Variants in CSMD1 observed in about 807,000 individuals in gnomAD.
CSMD1 encodes the protein CUB and sushi domain-containing protein 1.
CSMD1 carries 213 observed loss-of-function variants against 417.5 expected under a neutral mutation model. The ratio of observed to expected loss-of-function variants is 0.51; its 90% confidence interval spans 0.46 to 0.57. CSMD1 has a LOEUF of 0.57. Ranked by LOEUF, CSMD1 falls within the 20% of genes least tolerant of loss-of-function variation. CSMD1 has a pLI of 0.00. For synonymous variants in CSMD1, 2,862 were observed against 1,736.8 expected (o/e 1.65, Z -16.11); for missense variants, 6,923 against 4,529.7 (o/e 1.53, Z -15.17).
At chr8:3,480,550 T>C (rs573657077) in intron 11 of CSMD1, among the ~76,000 whole-genome samples, 1 of 152,236 alleles carries the variant, frequency 6.6e-6, no homozygotes, top group African/African-American at 2.4e-5. Flanking sequence ...ACTTACCAAA[T>C]TTGGCAAAAC....
intron 18 of CSMD1, among the ~76,000 whole-genome samples, chr8:3,386,941 A>C (rs1273171948): frequency 6.6e-6 from 1 of 152,132 alleles, no homozygotes; most frequent in Non-Finnish European, 1.5e-5. Context: ...AATAATCAGG[A>C]ATGTTATTTG....
intron 2 of CSMD1, among the ~76,000 whole-genome samples, chr8:4,579,550 G>C (rs1441176864): frequency 6.6e-6 from 1 of 151,982 alleles, no homozygotes; most frequent in Non-Finnish European, 1.5e-5. Context: ...TTTTAGTAGA[G>C]ATGGGGTCTC....
chr8:3,694,440 G>C (rs1800436324), intron 7 of CSMD1, among the ~76,000 whole-genome samples: 1 of 152,158 alleles, frequency 6.6e-6, no homozygotes, highest in Non-Finnish European at 1.5e-5. Flanking sequence ...CAGGCAGACA[G>C]CTGCATACAT....
chr8:4,057,250 T>C (rs986289101), intron 3 of CSMD1, among the ~76,000 whole-genome samples: 7 of 152,190 alleles, frequency 4.6e-5, no homozygotes, highest in Non-Finnish European at 7.3e-5. Flanking sequence ...TGGTATCTCA[T>C]TGTGGTTTTG....
chr8:3,644,501 A>G (rs1585010085), intron 7 of CSMD1, among the ~76,000 whole-genome samples: 1 of 152,218 alleles, frequency 6.6e-6, no homozygotes, highest in African/African-American at 2.4e-5. Context: ...TGCTCTGATT[A>G]GCAAAAAGAA....
chr8:3,786,276 A>G (rs1458721924), intron 5 of CSMD1, among the ~76,000 whole-genome samples: 1 of 152,094 alleles, frequency 6.6e-6, no homozygotes, highest in Admixed American at 6.5e-5. Flanking sequence ...ATACATGGGC[A>G]TGGAGGTTAG....
At chr8:3,639,585 T>C (rs4532614) in intron 7 of CSMD1, among the ~76,000 whole-genome samples, 72,476 of 151,958 alleles carry the variant, frequency 0.48, 17,438 homozygotes, top group Middle Eastern at 0.64. Flanking sequence ...AGAAGATATA[T>C]TACCTAGTTT....
chr8:4,528,305 C>G (rs910127758), intron 2 of CSMD1, among the ~76,000 whole-genome samples: 1 of 152,090 alleles, frequency 6.6e-6, no homozygotes, highest in Non-Finnish European at 1.5e-5. Flanking sequence ...CCATGAACAG[C>G]AACAACAAAA....
intron 2 of CSMD1, among the ~76,000 whole-genome samples, chr8:4,583,554 A>C (rs1799552141): frequency 6.6e-6 from 1 of 152,060 alleles, no homozygotes; most frequent in Admixed American, 6.5e-5. Context: ...TAAACACACC[A>C]ATCAGCACCC....
At chr8:4,276,448 G>T (rs1252749131) in intron 3 of CSMD1, among the ~76,000 whole-genome samples, 1 of 152,060 alleles carries the variant, frequency 6.6e-6, no homozygotes, top group Non-Finnish European at 1.5e-5. Context: ...CGCTTGGAGG[G>T]GAACATCACA....
At chr8:4,076,972 A>G (rs1799853098) in intron 3 of CSMD1, among the ~76,000 whole-genome samples, 1 of 152,140 alleles carries the variant, frequency 6.6e-6, no homozygotes, top group African/African-American at 2.4e-5. Context: ...TCTGAATTAT[A>G]TCATCAGAAT....
intron 26 of CSMD1, among the ~76,000 whole-genome samples, chr8:3,275,400 A>C (rs968317752): frequency 6.6e-6 from 1 of 151,836 alleles, no homozygotes; most frequent in Non-Finnish European, 1.5e-5. Flanking sequence ...TCTGACAATT[A>C]TGTGTCTTGG....
At chr8:3,463,416 G>A (rs1380721735) in intron 12 of CSMD1, among the ~76,000 whole-genome samples, 2 of 152,310 alleles carry the variant, frequency 1.3e-5, no homozygotes, top group Admixed American at 6.5e-5. Flanking sequence ...CATTATAAAC[G>A]CTTTGTGACA....
rs571877655 is a variant in CSMD1, at chr8:3,086,218, T to C, written c.7474+879A>G. Among the ~76,000 whole-genome samples, 8 of 152,322 alleles carry C rather than the reference T, an allele frequency of 5.3e-5. No individual in the cohort carries two copies. In the East Asian group the frequency reaches 1.5e-3, roughly 29 times the overall value. ...GAAAAAAAAATTATCATTCTAATCA[T>C]TCCTAATGAAGTAAGCTGCTTGAGT... On this transcript the variant is annotated intron_variant, in intron 49 of 69. Transcript: ENST00000635120.
chr8:4,558,046 T>A (rs1270014958), intron 2 of CSMD1, among the ~76,000 whole-genome samples: 1 of 152,174 alleles, frequency 6.6e-6, no homozygotes, highest in Non-Finnish European at 1.5e-5. Context: ...TAACAATGCC[T>A]TATGTCATAC....
chr8:3,979,602 T>C (rs570906394), intron 5 of CSMD1, among the ~76,000 whole-genome samples: 1 of 152,196 alleles, frequency 6.6e-6, no homozygotes, highest in East Asian at 1.9e-4. Context: ...GCGGCCAACA[T>C]GATGAGATTA....
At chr8:4,661,421 A>G (rs77866947) in intron 1 of CSMD1, among the ~76,000 whole-genome samples, 15,667 of 152,276 alleles carry the variant, frequency 0.1, 1,431 homozygotes, top group African/African-American at 0.24. Flanking sequence ...CGATTTTTAT[A>G]ACATTTTTGA....
At chr8:4,746,330 G>A (rs562885725) in intron 1 of CSMD1, among the ~76,000 whole-genome samples, 3 of 152,290 alleles carry the variant, frequency 2.0e-5, no homozygotes, top group African/African-American at 7.2e-5. Flanking sequence ...GCGACTGTAG[G>A]CACTTTGGCA....
intron 5 of CSMD1, among the ~76,000 whole-genome samples, chr8:3,845,045 G>T (rs912042639): frequency 5.3e-5 from 8 of 152,086 alleles, no homozygotes; most frequent in African/African-American, 1.7e-4. Context: ...CACAATAAAG[G>T]TCTCCTGTGA....
Sources: gnomAD v4.1 joint callset for allele counts (sites outside exome capture counted in the v4.1 genomes callset) on GRCh38, gnomAD v4.1.1 for gene constraint, MANE v1.5 for transcripts, NCBI Gene and HGNC (gene_info 2026-07-23, HGNC 2026-07-21) for gene names.